ENTPD6: variants seen among roughly 807,000 people sequenced by gnomAD.
ENTPD6 encodes CD39 antigen-like 2.
A neutral mutation model predicts 61.5 loss-of-function variants in ENTPD6; 46 were observed. The ratio of observed to expected loss-of-function variants is 0.75; its 90% CI spans 0.59 to 0.96. The LOEUF (loss-of-function observed/expected upper bound fraction) is 0.96. ENTPD6 is among the 40% of genes least tolerant of loss of function. The pLI, the probability that ENTPD6 is intolerant of heterozygous loss-of-function variation, is 0.00. For synonymous variants in ENTPD6, 252 were observed against 255.5 expected, an observed-to-expected ratio of 0.99 and a Z score of 0.13; for missense variants, 612 against 629.0, an observed-to-expected ratio of 0.97 and a Z score of 0.29.
intron 3 of ENTPD6, among the ~76,000 whole-genome samples, chr20:25,207,892 G>A (rs867520680): frequency 1.1e-4 from 17 of 152,218 alleles, no homozygotes; most frequent in Non-Finnish European, 1.3e-4. Context: ...CCTGGGCTTC[G>A]TTGGCTATGC....
At chr20:25,225,069 C>T in intron 13 of ENTPD6, 136 bp from the exon 14 acceptor site, 1 of 1,395,840 alleles carries the variant, frequency 7.2e-7, no homozygotes, top group Non-Finnish European at 9.6e-7. Context: ...CTTCTGCGCT[C>T]AGCTGCGGCC....
chr20:25,195,951 T>G, intron 1 of ENTPD6, 84 bp downstream of exon 1: 1 of 1,121,474 alleles, frequency 8.9e-7, no homozygotes, highest in Non-Finnish European at 1.1e-6. Context: ...CGCGCTGCGC[T>G]CCGGAGGACG....
At chr20:25,213,015 A>T (rs1243908792) in intron 4 of ENTPD6, among the ~76,000 whole-genome samples, 2 of 152,218 alleles carry the variant, frequency 1.3e-5, no homozygotes, top group Admixed American at 1.3e-4. Context: ...AGAAGTTTTT[A>T]AAAATTAGTC....
intron 5 of ENTPD6, among the ~76,000 whole-genome samples, 195 bp downstream of exon 5, chr20:25,213,601 C>T (rs1459508000): frequency 1.3e-5 from 2 of 152,186 alleles, no homozygotes; most frequent in African/African-American, 4.8e-5. Context: ...TAAGGTTATT[C>T]ATGTTTTCTG....
chr20:25,195,906 G>GA, intron 1 of ENTPD6, 39 bp downstream of exon 1: 1 of 1,227,490 alleles, frequency 8.1e-7, no homozygotes, highest in African/African-American at 1.6e-5. Flanking sequence ...GGCGGCCGGG[G>GA]ATCACCGACT....
intron 10 of ENTPD6, among the ~76,000 whole-genome samples, chr20:25,218,846 A>T (rs528528299): frequency 6.6e-6 from 1 of 152,214 alleles, no homozygotes; most frequent in African/African-American, 2.4e-5. Flanking sequence ...GCAGGAACCC[A>T]GGGTGGTGTT....
chr20:25,221,360 T>G (rs1446108599), intron 11 of ENTPD6, 27 bp downstream of exon 11: 1 of 1,573,306 alleles, frequency 6.4e-7, no homozygotes, highest in South Asian at 1.1e-5. Context: ...TGCCTGTTGG[T>G]TTCTGCGGGT....
chr20:25,201,238 G>A (rs746013475), intron 1 of ENTPD6, among the ~76,000 whole-genome samples: 68 of 152,314 alleles, frequency 4.5e-4, no homozygotes, highest in African/African-American at 7.9e-4. Flanking sequence ...ACCGTCTGGC[G>A]TTGCATGCAG....
intron 8 of ENTPD6, among the ~76,000 whole-genome samples, chr20:25,217,015 G>C (rs1187000364): frequency 6.6e-6 from 1 of 152,238 alleles, no homozygotes; most frequent in Non-Finnish European, 1.5e-5. Flanking sequence ...GTTTGGGCCA[G>C]AGGATATGAA....
At chr20:25,201,302 A>G (rs776401764) in intron 1 of ENTPD6, among the ~76,000 whole-genome samples, 9 of 152,084 alleles carry the variant, frequency 5.9e-5, no homozygotes, top group Non-Finnish European at 1.3e-4. Flanking sequence ...CTGTTTCTAT[A>G]TTGATCTTCT....
rs968704321 is a variant in ENTPD6, at chr20:25,216,543, C to T, written c.710-105C>T. 5.3e-6 allele frequency: 4 copies of T among 758,510 alleles called. No homozygotes were observed. The African/African-American group carries it at 6.9e-5, about 13-fold the overall frequency. The allele number at this position is 758,510 out of a possible 1,614,324, so 47.0% of individuals were successfully genotyped here. ...AGATTTGTCAATAGCTGAGCTACTT[C>T]TCTGTCTTTTCTTTCCCCTGAGGGC... On this transcript the variant is annotated intron_variant, in intron 7 of 14. Transcript: ENST00000376652.
In ENTPD6 at chr20:25,216,870, G is replaced by A. The variant is rs6076325; in HGVS notation, c.798+134G>A. 5.8e-3 allele frequency: 3,579 copies of A among 619,194 alleles called. 11 individuals are homozygous for A. Among genetic ancestry groups the A allele is most frequent in the Non-Finnish European group, 8.0e-3 (2,842 of 356,252 alleles). The allele number at this position is 619,194 out of a possible 1,614,324, so 38.4% of individuals were successfully genotyped here. ...TTGGCCAGGTCTCTGGACCCCTGCG[G>A]TCATTTCCTCTTCTGAGAGCTGGAC... On this transcript the variant is annotated intron_variant, in intron 8 of 14. Coordinates refer to ENST00000376652, the MANE Select transcript of ENTPD6 (RefSeq NM_001247.5).
intron 1 of ENTPD6, among the ~76,000 whole-genome samples, chr20:25,199,531 C>A (rs927204338): frequency 1.3e-5 from 2 of 152,138 alleles, no homozygotes; most frequent in Non-Finnish European, 2.9e-5. Flanking sequence ...CAACATAATC[C>A]TTTTTAAATG....
At chr20:25,209,805 T>C in intron 3 of ENTPD6, 44 bp from the exon 4 acceptor site, 1 of 1,502,202 alleles carries the variant, frequency 6.7e-7, no homozygotes, top group Middle Eastern at 1.7e-4. Context: ...TGTTCTCCTG[T>C]GTGTATTCAT....
At chr20:25,205,549 G>T (rs1269211549) in intron 1 of ENTPD6, among the ~76,000 whole-genome samples, 1 of 152,182 alleles carries the variant, frequency 6.6e-6, no homozygotes, top group Non-Finnish European at 1.5e-5. Context: ...CCCAGGCAGA[G>T]GCTGCAACAT....
At position 25,226,747 on chromosome 20, in the gene ENTPD6, G is replaced by A. The variant is rs1600704621; in HGVS notation, c.*1150G>A. The A allele has an allele frequency of 6.6e-6, 1 of 152,328 alleles. No homozygotes were observed. Among genetic ancestry groups the A allele is most frequent in the Non-Finnish European group, 1.5e-5 (1 of 68,096 alleles). The allele number at this position is 152,328 out of a possible 1,614,324, so 9.4% of individuals were successfully genotyped here. On this transcript the variant is annotated 3_prime_UTR_variant, in exon 15 of 15. Transcript: ENST00000376652. ...TTCTCTGGGATTCCTCTCGTTGAGCGACAGTAGCATTTGCCCACCTGGCAC... is the reference window on the plus strand; with the variant it reads ...TTCTCTGGGATTCCTCTCGTTGAGCAACAGTAGCATTTGCCCACCTGGCAC...
At chr20:25,208,701 C>A (rs1359771812) in intron 3 of ENTPD6, among the ~76,000 whole-genome samples, 1 of 152,080 alleles carries the variant, frequency 6.6e-6, no homozygotes, top group Non-Finnish European at 1.5e-5. Context: ...TAAAACACTC[C>A]ATTTTTTAAA....
Position 25,225,673 on chromosome 20 carries a change from T to C in ENTPD6, c.*76T>C. ...CCCTCCTGTCCTGGACGTGACTTCA[T>C]CCTGAGGAGCCACAGCACAGGCCGT... On this transcript the variant is annotated 3_prime_UTR_variant, in exon 15 of 15. Coordinates refer to ENST00000376652, the MANE Select transcript of ENTPD6 (RefSeq NM_001247.5). 1 of 1,259,436 alleles carries C rather than the reference T, an allele frequency of 7.9e-7. No homozygotes were observed. The highest frequency in any genetic ancestry group is 1.1e-6 in the Non-Finnish European group (1 of 882,092). The allele number at this position is 1,259,436 out of a possible 1,614,324, so 78.0% of individuals were successfully genotyped here. A position where few individuals can be genotyped will look rare whatever the true frequency, so the allele number is the denominator to read the frequency against.
chr20:25,198,835 C>T (rs948049498), intron 1 of ENTPD6, among the ~76,000 whole-genome samples: 3 of 152,148 alleles, frequency 2.0e-5, no homozygotes, highest in African/African-American at 4.8e-5. Context: ...TGGACCAGCC[C>T]CAAACCTGTC....
Sources: allele counts gnomAD v4.1 joint callset (sites outside exome capture counted in the v4.1 genomes callset), GRCh38; gene constraint gnomAD v4.1.1; transcripts MANE v1.5; gene names NCBI Gene and HGNC (gene_info 2026-07-23, HGNC 2026-07-21).